ZNF587B: variants seen among roughly 807,000 people sequenced by gnomAD.
The protein encoded by ZNF587B is zinc finger protein 587B.
In ZNF587B, 6 loss-of-function variants were observed where a neutral mutation model predicts 7.2. The ratio of observed to expected loss-of-function variants is 0.83; its 90% CI spans 0.46 to 1.65. The LOEUF (loss-of-function observed/expected upper bound fraction) is 1.65. Among genes scored for constraint, ZNF587B ranks in the 40% most tolerant of loss-of-function variants. The pLI, the probability that ZNF587B is intolerant of heterozygous loss-of-function variation, is 0.01. For missense variants in ZNF587B, 749 were observed against 761.0 expected (o/e 0.98, Z 0.19); for synonymous variants, 274 against 254.3 (o/e 1.08, Z -0.74).
intron 1 of ZNF587B, among the ~76,000 whole-genome samples, 156 bp downstream of exon 1, chr19:57,830,720 A>G (rs1284206039): frequency 7.6e-6 from 1 of 131,018 alleles, no homozygotes; most frequent in Non-Finnish European, 1.6e-5. Flanking sequence ...TGAGCTGCTG[A>G]AGGCCTAATC....
intron 1 of ZNF587B, among the ~76,000 whole-genome samples, chr19:57,838,735 G>GTATCTCTGC (rs1347579528): frequency 1.3e-5 from 2 of 152,204 alleles, no homozygotes; most frequent in Non-Finnish European, 2.9e-5. Context: ...TTCAGAGAGG[G>GTATCTCTGC]TATCTCTGCT....
In ZNF587B at chr19:57,841,471, GA is replaced by G. The variant is rs1988845391; in HGVS notation, c.802del (p.Arg268AspfsTer42). ...SFSNHQRVHSGKRPYECGECE... is the reference protein window; with the variant it reads ...SFSNHQRVHSXKRPYECGECE... ...AGTAATCATCAGAGAGTTCACAGTG[GA>G]AAAAGACCTTATGAATGTGGAGAAT... On this transcript the variant is annotated frameshift_variant, in exon 3 of 3. Transcript: ENST00000594901. LOFTEE classifies it low-confidence loss of function (END_TRUNC). The G allele has an allele frequency of 6.3e-7, 1 of 1,584,690 alleles. No homozygotes were observed. Among genetic ancestry groups the G allele is most frequent in the Admixed American group, 1.8e-5 (1 of 55,136 alleles).
rs762885892 is a variant in ZNF587B at position 57,830,570 on chromosome 19, TGTG to T, written c.36+10_36+12del. ...CGCTGAGGCTCTCTGCTCAGGTAATTGTGGTGCCTTCCATGCCCTCAGGTCACC... is the reference window on the plus strand; with the variant it reads ...CGCTGAGGCTCTCTGCTCAGGTAATTGTGCCTTCCATGCCCTCAGGTCACC... On this transcript the variant is annotated splice_region_variant and intron_variant, in intron 1 of 2. Coordinates refer to ENST00000594901, the MANE Select transcript of ZNF587B (RefSeq NM_001376223.1). 4 of 1,550,354 alleles carry T rather than the reference TGTG, an allele frequency of 2.6e-6. No individual in the cohort carries two copies. The highest frequency in any genetic ancestry group is 1.7e-4 in the Middle Eastern group (1 of 5,996).
Position 57,841,156 on chromosome 19 carries a change from G to A in ZNF587B, c.482G>A (p.Cys161Tyr). The A allele has an allele frequency of 3.7e-6, 6 of 1,614,216 alleles. No individual in the cohort carries two copies. Among genetic ancestry groups the A allele is most frequent in the Non-Finnish European group, 5.1e-6 (6 of 1,180,048 alleles). The change falls in exon 3 of 3, where the codon TGT becomes TAT. Residue 161 changes from cysteine (C) to tyrosine (Y), a missense_variant. Cys to Tyr is a radical substitution (Grantham distance 194). This residue lies in a region of ZNF587B where 656 missense variants were observed against 596.5 expected (regional missense o/e 1.10). Transcript: ENST00000594901. ...GAGGAGGCGTTGTTTGTGAAGAGGT[G>A]TAAGTTGCATGTGTCAGGGGAGTCA... ...SVEEALFVKR[C>Y]KLHVSGESSV...
intron 1 of ZNF587B, among the ~76,000 whole-genome samples, chr19:57,834,067 GC>G (rs1988519487): frequency 7.1e-6 from 1 of 140,924 alleles, no homozygotes; most frequent in African/African-American, 2.6e-5. Context: ...CTGGCTCGGA[GC>G]CCAGCTCAGC....
chr19:57,830,600 C>T, intron 1 of ZNF587B, 36 bp downstream of exon 1: 2 of 1,547,820 alleles, frequency 1.3e-6, no homozygotes, highest in Non-Finnish European at 1.7e-6. Context: ...CAGGTCACCT[C>T]ATCATCACCC....
At chr19:57,831,022 A>G (rs553736741) in intron 1 of ZNF587B, among the ~76,000 whole-genome samples, 1 of 152,182 alleles carries the variant, frequency 6.6e-6, no homozygotes, top group Non-Finnish European at 1.5e-5. Context: ...GGGCTTTAAG[A>G]CTATTAGAAG....
chr19:57,830,539 T>C lies in ZNF587B; in HGVS notation c.11T>C (p.Val4Ala). 1 of 1,549,740 alleles carries C rather than the reference T, an allele frequency of 6.5e-7. No homozygotes were observed. Among genetic ancestry groups the C allele is most frequent in the Non-Finnish European group, 8.7e-7 (1 of 1,147,150 alleles). MAV[V>A]ATLRLSAQGT... ...AAACCACGTGGTTCGATGGCGGTGG[T>C]GGCCACGCTGAGGCTCTCTGCTCAG... is the stretch of plus-strand genomic sequence containing the variant. The change falls in exon 1 of 3, where the codon GTG becomes GCG. Residue 4 changes from valine (V) to alanine (A), a missense_variant. Val to Ala is a moderately conservative substitution (Grantham distance 64, BLOSUM62 0). Transcript: ENST00000594901.
At position 57,841,806 on chromosome 19, in the gene ZNF587B, G is replaced by T. The variant is rs1335852072; in HGVS notation, c.1132G>T (p.Glu378Ter). The stretch of plus-strand genomic sequence containing the variant: ...TAGTTACCATCAGCGCATTCACACT[G>T]AAGTAAGACCTTACAAGTGTGGAGA... Reference protein sequence around the residue: ...SLSYHQRIHTEVRPYKCGECG... With the variant: ...SLSYHQRIHT Residue 378 changes from glutamate to a stop codon, truncating the protein, a stop_gained, in exon 3 of 3, where the codon GAA becomes TAA. Transcript: ENST00000594901. LOFTEE classifies it low-confidence loss of function (END_TRUNC). The T allele has an allele frequency of 6.2e-7, 1 of 1,611,240 alleles. No homozygotes were observed. The highest frequency in any genetic ancestry group is 8.5e-7 in the Non-Finnish European group (1 of 1,178,978).
rs944934853 is a variant in ZNF587B at position 57,842,224 on chromosome 19, C to G, written c.1550C>G (p.Thr517Ser). ...CHLTAHQRVH[T>S]GERPYECSDC... ...CTCACTGCACACCAGAGAGTTCACA[C>G]TGGAGAAAGGCCATATGAATGCAGT... Residue 517 changes from threonine to serine, a missense_variant, in exon 3 of 3, where the codon ACT becomes AGT. Physicochemically the swap from Thr to Ser is moderately conservative, Grantham distance 58 (BLOSUM62 1). This residue lies in a region of ZNF587B where 656 missense variants were observed against 596.5 expected (regional missense o/e 1.10). Coordinates refer to ENST00000594901, the MANE Select transcript of ZNF587B (RefSeq NM_001376223.1). 6.8e-6 allele frequency: 11 copies of G among 1,613,664 alleles called. No homozygotes were observed. The African/African-American group carries it at 1.5e-4, about 22-fold the overall frequency.
intron 2 of ZNF587B, among the ~76,000 whole-genome samples, chr19:57,839,816 C>T (rs186788159): frequency 8.9e-4 from 135 of 152,144 alleles, no homozygotes; most frequent in African/African-American, 3.2e-3. Context: ...GATGGTGGCT[C>T]GCTCCTGTAA....
rs1004116336 is a variant in ZNF587B, at chr19:57,844,502, A to G, written c.*1926A>G. The G allele has an allele frequency of 1.9e-5, 4 of 211,322 alleles. No homozygotes were observed. The highest frequency in any genetic ancestry group is 7.1e-5 in the African/African-American group (3 of 41,974). The allele number at this position is 211,322 out of a possible 1,614,324, so 13.1% of individuals were successfully genotyped here. On this transcript the variant is annotated 3_prime_UTR_variant, in exon 3 of 3. Coordinates refer to ENST00000594901, the MANE Select transcript of ZNF587B (RefSeq NM_001376223.1). ...GGGTCCTGCTACCTTGAAGGACAGC[A>G]TAGCTAAACTGCGTGGCCCAAGGGA...
Position 57,843,181 on chromosome 19 carries a change from T to C in ZNF587B, c.*605T>C, listed in dbSNP as rs527445979. On this transcript the variant is annotated 3_prime_UTR_variant, in exon 3 of 3. Coordinates refer to ENST00000594901, the MANE Select transcript of ZNF587B (RefSeq NM_001376223.1). ...GGCTATTTTCTCATATTAGTAGATA[T>C]AGGGTTTTACCATGTTTCCAGGCTG... 7.1e-5 allele frequency: 45 copies of C among 638,078 alleles called. No homozygotes were observed. Among genetic ancestry groups the C allele is most frequent in the East Asian group, 4.2e-4 (3 of 7,168 alleles). 39.5% of individuals were successfully genotyped at this position (638,078 alleles called of 1,614,324 possible). A position where few individuals can be genotyped will look rare whatever the true frequency, so the allele number is the denominator to read the frequency against.
Position 57,845,594 on chromosome 19 carries a change from T to C in ZNF587B, c.*3018T>C, listed in dbSNP as rs1248008933. On this transcript the variant is annotated 3_prime_UTR_variant, in exon 3 of 3. Transcript: ENST00000594901. Reference sequence around the variant, plus strand: ...TTCCTGCTACATCAATATTTGCTTCTATGGAGGCTAGTTTCCCCACTTAGG... The same window carrying C: ...TTCCTGCTACATCAATATTTGCTTCCATGGAGGCTAGTTTCCCCACTTAGG... 6.6e-6 allele frequency: 1 copy of C among 152,206 alleles called. No individual in the cohort carries two copies. The highest frequency in any genetic ancestry group is 1.5e-5 in the Non-Finnish European group (1 of 68,022). 9.4% of individuals were successfully genotyped at this position (152,206 alleles called of 1,614,324 possible).
At chr19:57,832,199 G>A (rs1413932704) in intron 1 of ZNF587B, among the ~76,000 whole-genome samples, 1 of 151,858 alleles carries the variant, frequency 6.6e-6, no homozygotes, top group African/African-American at 2.4e-5. Context: ...CCATTCTCCT[G>A]CCTCAGCCTC....
rs977733634 is a variant in ZNF587B at position 57,843,282 on chromosome 19, G to A, written c.*706G>A. On this transcript the variant is annotated 3_prime_UTR_variant, in exon 3 of 3. Coordinates refer to ENST00000594901, the MANE Select transcript of ZNF587B (RefSeq NM_001376223.1). ...GCTGAGATTGTAGGTTTGAGTCACT[G>A]TGCTCAGCCAATTATGTTTTTCTGT... 3.0e-6 allele frequency: 3 copies of A among 985,142 alleles called. No homozygotes were observed. The highest frequency in any genetic ancestry group is 3.5e-5 in the African/African-American group (2 of 57,186). 61.0% of individuals were successfully genotyped at this position (985,142 alleles called of 1,614,324 possible). A position where few individuals can be genotyped will look rare whatever the true frequency, so the allele number is the denominator to read the frequency against.
Position 57,830,300 on chromosome 19 carries a change from A to C in ZNF587B, c.-229A>C. On this transcript the variant is annotated 5_prime_UTR_variant, in exon 1 of 3. Transcript: ENST00000594901. ...GCGCCCTCTGGTGGCGGCCATTTTG[A>C]TTGGTGTTGGGTTTATTTGTCGGAG... 2.1e-6 allele frequency: 1 copy of C among 480,344 alleles called. No homozygotes were observed. Among genetic ancestry groups the C allele is most frequent in the Non-Finnish European group, 3.7e-6 (1 of 268,772 alleles). 29.8% of individuals were successfully genotyped at this position (480,344 alleles called of 1,614,324 possible).
Position 57,842,141 on chromosome 19 carries a change from T to C in ZNF587B, c.1467T>C (p.Ser489=), listed in dbSNP as rs1459520503. 1 of 1,612,220 alleles carries C rather than the reference T, an allele frequency of 6.2e-7. No individual in the cohort carries two copies. Among genetic ancestry groups the C allele is most frequent in the African/African-American group, 1.3e-5 (1 of 74,870 alleles). ...TCCTTGTACACCAGAGAATTCACAG[T>C]GGAGAGAAGCCATATGCTTGTGAGG... ...SHLLVHQRIH[S]GEKPYACEAC... is the part of the protein sequence containing the mutation. Residue 489 remains serine (S), a synonymous_variant, in exon 3 of 3, where the codon AGT becomes AGC. Coordinates refer to ENST00000594901, the MANE Select transcript of ZNF587B (RefSeq NM_001376223.1).
Position 57,841,673 on chromosome 19 carries a change from A to G in ZNF587B, c.999A>G (p.Lys333=). ...KGPYECGECG[K]SFSSNVNLKS... is the part of the protein sequence containing the mutation. ...CTTATGAGTGTGGAGAATGTGGGAA[A>G]TCTTTTAGTTCAAACGTGAACCTTA... is the stretch of plus-strand genomic sequence containing the variant. Residue 333 remains lysine, a synonymous_variant, in exon 3 of 3, where the codon AAA becomes AAG. Transcript: ENST00000594901. 6.2e-7 allele frequency: 1 copy of G among 1,605,396 alleles called. No individual in the cohort carries two copies. The highest frequency in any genetic ancestry group is 8.5e-7 in the Non-Finnish European group (1 of 1,175,992).
Sources: gnomAD v4.1 joint callset for allele counts (sites outside exome capture counted in the v4.1 genomes callset) on GRCh38, gnomAD v4.1.1 for gene constraint, gnomAD v4.1.1 regional missense constraint, MANE v1.5 for transcripts, NCBI Gene and HGNC (gene_info 2026-07-23, HGNC 2026-07-21) for gene names.